Variants in RNF220 observed in about 807,000 individuals in gnomAD.
The protein encoded by RNF220 is ring finger protein 220, also known as E3 ubiquitin-protein ligase RNF220.
In RNF220, 7 loss-of-function variants were observed where a neutral mutation model predicts 67.1. That is an observed-to-expected ratio of 0.10 (90% CI 0.06 to 0.20). The LOEUF (loss-of-function observed/expected upper bound fraction) is 0.20. Ranked by LOEUF, RNF220 falls within the 10% of genes least tolerant of loss-of-function variation. RNF220 has a pLI of 1.00. For missense variants in RNF220, 565 were observed against 740.3 expected, an observed-to-expected ratio of 0.76 and a Z score of 2.75; for synonymous variants, 270 against 283.2, an observed-to-expected ratio of 0.95 and a Z score of 0.47.
At chr1:44,588,088 G>T (rs928685) in intron 2 of RNF220, among the ~76,000 whole-genome samples, 45,339 of 152,126 alleles carry the variant, frequency 0.3, 6,974 homozygotes, top group Middle Eastern at 0.34. Context: ...TCAGGCCCAT[G>T]AATCATAAGC....
chr1:44,530,920 G>C (rs868079552), intron 2 of RNF220, among the ~76,000 whole-genome samples: 2 of 152,078 alleles, frequency 1.3e-5, no homozygotes, highest in Admixed American at 1.3e-4. Context: ...CCGAGATTGC[G>C]CCATTGCACT....
rs1647245114 is a variant in RNF220 at position 44,405,418 on chromosome 1, CGCT to C, written c.-227_-225del. ...CTGCCGCTGCCGCCGCCGCCGCCGCCGCTGCCTCCGCCGGCTCTGCGAACCCGG... is the reference window on the plus strand; with the variant it reads ...CTGCCGCTGCCGCCGCCGCCGCCGCCGCCTCCGCCGGCTCTGCGAACCCGG... On this transcript the variant is annotated 5_prime_UTR_variant, in exon 1 of 15. Transcript: ENST00000361799. 4.9e-6 allele frequency: 3 copies of C among 608,820 alleles called. No individual in the cohort carries two copies. The highest frequency in any genetic ancestry group is 1.9e-5 in the African/African-American group (1 of 52,796). The allele number at this position is 608,820 out of a possible 1,614,324, so 37.7% of individuals were successfully genotyped here.
intron 2 of RNF220, among the ~76,000 whole-genome samples, chr1:44,559,098 C>T (rs925545440): frequency 6.6e-6 from 1 of 152,234 alleles, no homozygotes; most frequent in Non-Finnish European, 1.5e-5. Flanking sequence ...ATAGTAAGTG[C>T]TCATTAAACT....
At chr1:44,631,886 AG>A in intron 5 of RNF220, 1 of 985,526 alleles carries the variant, frequency 1.0e-6, no homozygotes, top group African/African-American at 1.7e-5. Flanking sequence ...TACAAACGGC[AG>A]CTTCCTGGTC....
chr1:44,503,228 G>A (rs1188398070), intron 2 of RNF220, among the ~76,000 whole-genome samples: 4 of 151,436 alleles, frequency 2.6e-5, no homozygotes, highest in African/African-American at 9.7e-5. Flanking sequence ...CAGCTATTTG[G>A]GAGGCTGAGG....
At chr1:44,485,746 T>C (rs1304737546) in intron 2 of RNF220, among the ~76,000 whole-genome samples, 1 of 152,224 alleles carries the variant, frequency 6.6e-6, no homozygotes, top group Admixed American at 6.5e-5. Context: ...CGTTTGCTTG[T>C]AATGTGAGCG....
Position 44,405,547 on chromosome 1 carries a change from G to T in RNF220, c.-118+17G>T. On this transcript the variant is annotated intron_variant, in intron 1 of 14. Transcript: ENST00000361799. ...CCACGGCAAGTATGGAGATCAGAAA[G>T]GGGTGTGGACGTGTGTGCGTACCCA... The T allele has an allele frequency of 2.4e-6, 1 of 409,766 alleles. No individual in the cohort carries two copies. Among genetic ancestry groups the T allele is most frequent in the South Asian group, 3.2e-5 (1 of 31,416 alleles). 25.4% of individuals were successfully genotyped at this position (409,766 alleles called of 1,614,324 possible). A position where few individuals can be genotyped will look rare whatever the true frequency, so the allele number is the denominator to read the frequency against.
intron 3 of RNF220, among the ~76,000 whole-genome samples, chr1:44,615,355 A>AC (rs1366998126): frequency 1.3e-5 from 2 of 151,794 alleles, no homozygotes; most frequent in Non-Finnish European, 2.9e-5. Context: ...GAGGACATAC[A>AC]CCCCCCTTTT....
chr1:44,617,685 T>C (rs11584765), intron 3 of RNF220, among the ~76,000 whole-genome samples: 63,098 of 152,008 alleles, frequency 0.42, 13,395 homozygotes, highest in African/African-American at 0.48. Flanking sequence ...TCTCCACTCC[T>C]CACCATCAGC....
At chr1:44,603,291 A>G (rs1324694680) in intron 2 of RNF220, among the ~76,000 whole-genome samples, 1 of 152,266 alleles carries the variant, frequency 6.6e-6, no homozygotes, top group Non-Finnish European at 1.5e-5. Flanking sequence ...AAAGGTAAAC[A>G]TGCTCAGCCC....
At chr1:44,596,776 C>T (rs747639266) in intron 2 of RNF220, among the ~76,000 whole-genome samples, 8 of 152,208 alleles carry the variant, frequency 5.3e-5, no homozygotes, top group Non-Finnish European at 8.8e-5. Context: ...CCTCCCCTCC[C>T]ATCATTCCCA....
chr1:44,502,541 G>A (rs1658020692), intron 2 of RNF220, among the ~76,000 whole-genome samples: 1 of 152,132 alleles, frequency 6.6e-6, no homozygotes, highest in South Asian at 2.1e-4. Flanking sequence ...AGCATTCCTT[G>A]TGTTAGACAT....
rs1643888890 is a variant in RNF220 at position 44,624,664 on chromosome 1, G to A, written c.805-1633G>A. On this transcript the variant is annotated intron_variant, in intron 4 of 14. Coordinates refer to ENST00000361799, the MANE Select transcript of RNF220 (RefSeq NM_018150.4). The surrounding 1 kb of genome is among the most constrained non-coding windows in gnomAD (Gnocchi z 4.2). ...AGAAGGTTCAAGCAAGAGACTGAAA[G>A]GACAGGGAGAAGGAGGGAGGGAGGA... Among the ~76,000 whole-genome samples the A allele has an allele frequency of 6.6e-6, 1 of 152,212 alleles. No homozygotes were observed. Among genetic ancestry groups the A allele is most frequent in the Admixed American group, 6.5e-5 (1 of 15,288 alleles).
Position 44,650,234 on chromosome 1 carries a change from A to G in RNF220, c.1629+277A>G, listed in dbSNP as rs1186335248. 5.4e-6 allele frequency: 3 copies of G among 550,742 alleles called. No individual in the cohort carries two copies. The highest frequency in any genetic ancestry group is 3.3e-5 in the Admixed American group (1 of 30,240). The allele number at this position is 550,742 out of a possible 1,614,324, so 34.1% of individuals were successfully genotyped here. A position where few individuals can be genotyped will look rare whatever the true frequency, so the allele number is the denominator to read the frequency against. Reference sequence around the variant, plus strand: ...GCCCACTGCATCACACAGACTGGTGAGGCCTGGGGTCAGGAGGAGGCTGGC... The same window carrying G: ...GCCCACTGCATCACACAGACTGGTGGGGCCTGGGGTCAGGAGGAGGCTGGC... On this transcript the variant is annotated intron_variant, in intron 14 of 14. Coordinates refer to ENST00000361799, the MANE Select transcript of RNF220 (RefSeq NM_018150.4). The surrounding 1 kb of genome is among the most constrained non-coding windows in gnomAD (Gnocchi z 4.3).
At chr1:44,462,035 C>A (rs1368697540) in intron 2 of RNF220, among the ~76,000 whole-genome samples, 1 of 146,350 alleles carries the variant, frequency 6.8e-6, no homozygotes, top group Non-Finnish European at 1.5e-5. Flanking sequence ...TCAAGCGATT[C>A]TCCTGCTTCA....
intron 2 of RNF220, among the ~76,000 whole-genome samples, chr1:44,481,918 G>A (rs889439863): frequency 1.3e-5 from 2 of 152,234 alleles, no homozygotes; most frequent in Non-Finnish European, 2.9e-5. Flanking sequence ...TCAGTCGTAA[G>A]AGGGTCATTC....
In RNF220 at chr1:44,412,760, A is replaced by T; in HGVS notation, c.625+38A>T. On this transcript the variant is annotated intron_variant, in intron 2 of 14. Coordinates refer to ENST00000361799, the MANE Select transcript of RNF220 (RefSeq NM_018150.4). This position sits in a 1 kb window ranked among gnomAD's most constrained non-coding sequence, Gnocchi z 5.3. ...GTTCCAGCCCTCCCTTACCCCCAGT[A>T]AGCCCTGCCTCACCGTGATGTTCAA... 1 of 1,585,086 alleles carries T rather than the reference A, an allele frequency of 6.3e-7. No individual in the cohort carries two copies. The highest frequency in any genetic ancestry group is 8.6e-7 in the Non-Finnish European group (1 of 1,164,066).
At chr1:44,598,241 C>T (rs992807017) in intron 2 of RNF220, among the ~76,000 whole-genome samples, 4 of 152,188 alleles carry the variant, frequency 2.6e-5, no homozygotes, top group South Asian at 2.1e-4. Context: ...CTCCCCACCC[C>T]TCCCCAGGTC....
At chr1:44,437,982 T>C (rs1308820840) in intron 2 of RNF220, among the ~76,000 whole-genome samples, 1 of 152,208 alleles carries the variant, frequency 6.6e-6, no homozygotes, top group Non-Finnish European at 1.5e-5. Context: ...ACTAACTTAC[T>C]GTTTCTCAAA....
Sources: gnomAD v4.1 joint callset for allele counts (sites outside exome capture counted in the v4.1 genomes callset) on GRCh38, gnomAD v4.1.1 for gene constraint, Gnocchi (gnomAD v3.1) non-coding constraint, MANE v1.5 for transcripts, NCBI Gene and HGNC (gene_info 2026-07-23, HGNC 2026-07-21) for gene names.